Variants in THTPA observed in about 807,000 individuals in gnomAD.
The protein encoded by THTPA is thiamine-triphosphatase.
Under a neutral mutation model 16.5 loss-of-function variants are expected in THTPA, and 16 were observed. The ratio of observed to expected loss-of-function variants is 0.97; its 90% CI spans 0.66 to 1.47. The LOEUF is 1.47. THTPA is among the 40% of genes most tolerant of loss of function. THTPA has a pLI of 0.00. For missense variants in THTPA, 281 were observed against 280.9 expected, an observed-to-expected ratio of 1.00 and a Z score of 0.00; for synonymous variants, 110 against 115.5, an observed-to-expected ratio of 0.95 and a Z score of 0.30.
the THTPA span, among the ~76,000 whole-genome samples, chr14:23,550,258 T>C: frequency 1.3e-5 from 2 of 152,154 alleles, no homozygotes; most frequent in Non-Finnish European, 2.9e-5. Flanking sequence ...CTGAAGGCAC[T>C]AGAGGCTTTG....
the THTPA span, among the ~76,000 whole-genome samples, chr14:23,546,366 G>T: frequency 6.6e-6 from 1 of 152,124 alleles, no homozygotes; most frequent in Non-Finnish European, 1.5e-5. The surrounding 1 kb of genome is among the most constrained non-coding windows in gnomAD (Gnocchi z 4.7). Context: ...AAATGCTGAG[G>T]GGTGCTGAGC....
At chr14:23,531,843 T>A in the THTPA span, 1 of 1,206,770 alleles carries the variant, frequency 8.3e-7, no homozygotes, top group Non-Finnish European at 1.0e-6. Flanking sequence ...AGTGGCATGA[T>A]CTCTACTCAC....
the THTPA span, chr14:23,531,783 T>C: frequency 1.8e-6 from 2 of 1,132,034 alleles, no homozygotes; most frequent in Non-Finnish European, 2.2e-6. Flanking sequence ...TCAGGGGACT[T>C]TTTTTTTTTT....
At chr14:23,525,075 C>T in the THTPA span, 26 of 1,536,138 alleles carry the variant, frequency 1.7e-5, no homozygotes, top group South Asian at 7.1e-5. This position sits in a 1 kb window ranked among gnomAD's most constrained non-coding sequence, Gnocchi z 5.9. Context: ...TCCACCTCTC[C>T]GTCTTTGGGG....
the THTPA span, among the ~76,000 whole-genome samples, chr14:23,545,827 G>C: frequency 6.6e-6 from 1 of 152,344 alleles, no homozygotes; most frequent in South Asian, 2.1e-4. Context: ...ACAGAGGCTT[G>C]AGATTAGGGA....
the THTPA span, chr14:23,526,838 A>G: frequency 6.6e-7 from 1 of 1,526,542 alleles, no homozygotes; most frequent in Non-Finnish European, 8.8e-7. Flanking sequence ...TTGCTGTTCC[A>G]TTCCTTACCT....
At chr14:23,547,011 C>T in the THTPA span, among the ~76,000 whole-genome samples, 1 of 152,220 alleles carries the variant, frequency 6.6e-6, no homozygotes, top group Non-Finnish European at 1.5e-5. Context: ...CCCTTCACCT[C>T]GTGATTCCTG....
chr14:23,557,395 C>A, intron 1 of THTPA, 91 bp downstream of exon 1: 1 of 1,373,870 alleles, frequency 7.3e-7, no homozygotes, highest in African/African-American at 1.5e-5. Context: ...GGAGGGCCTC[C>A]GGATTAAAAA....
At chr14:23,524,151 G>T in the THTPA span, 2 of 1,536,016 alleles carry the variant, frequency 1.3e-6, no homozygotes, top group Admixed American at 2.0e-5. This position sits in a 1 kb window ranked among gnomAD's most constrained non-coding sequence, Gnocchi z 5.6. Flanking sequence ...GTGGCAGGCG[G>T]TTTCACTGCT....
chr14:23,515,200 CT>C, the THTPA span, among the ~76,000 whole-genome samples: 1 of 152,228 alleles, frequency 6.6e-6, no homozygotes, highest in Admixed American at 6.5e-5. Flanking sequence ...AGGAGTGACC[CT>C]CAGACCTTGC....
the THTPA span, chr14:23,523,321 G>A: frequency 2.1e-6 from 3 of 1,453,632 alleles, no homozygotes; most frequent in Non-Finnish European, 2.7e-6. This position sits in a 1 kb window ranked among gnomAD's most constrained non-coding sequence, Gnocchi z 4.1. Context: ...AGGCAGGTGT[G>A]GTGGCAGGTG....
chr14:23,553,141 C>G (rs1882098615), upstream of THTPA, among the ~76,000 whole-genome samples: 1 of 152,118 alleles, frequency 6.6e-6, no homozygotes, highest in African/African-American at 2.4e-5. Context: ...GCTCCAGGGC[C>G]CATACTAACT....
chr14:23,555,570 A>G (rs985430520), upstream of THTPA, among the ~76,000 whole-genome samples: 1 of 152,138 alleles, frequency 6.6e-6, no homozygotes, highest in Non-Finnish European at 1.5e-5. Context: ...TCTGACAGAA[A>G]GTTTCTCACC....
Position 23,557,244 on chromosome 14 carries a change from C to G in THTPA, c.487C>G (p.His163Asp). The change falls in exon 1 of 2, where the codon CAT (histidine) becomes GAT (aspartate). Residue 163 changes from histidine (H) to aspartate (D), a missense_variant. By Grantham distance (81) the His-to-Asp change is moderately conservative (BLOSUM62 -1). Transcript: ENST00000288014. ...YAVGEVEALV[H>D]EEAEVPTALE... Reference sequence around the variant, plus strand: ...TGTGGGTGAGGTAGAGGCCCTGGTGCATGAGGAGGCTGAAGTACCAACTGC... The same window carrying G: ...TGTGGGTGAGGTAGAGGCCCTGGTGGATGAGGAGGCTGAAGTACCAACTGC... 6.2e-7 allele frequency: 1 copy of G among 1,612,446 alleles called. No homozygotes were observed. Among genetic ancestry groups the G allele is most frequent in the Non-Finnish European group, 8.5e-7 (1 of 1,179,902 alleles).
intron 1 of THTPA, among the ~76,000 whole-genome samples, chr14:23,557,626 A>C (rs1159342837): frequency 6.6e-5 from 10 of 152,178 alleles, no homozygotes; most frequent in Non-Finnish European, 1.2e-4. Flanking sequence ...ACAGTAGCTA[A>C]TTTGGATCTA....
chr14:23,522,859 G>T, the THTPA span: 3 of 1,523,586 alleles, frequency 2.0e-6, no homozygotes, highest in South Asian at 2.4e-5. Context: ...GTAAGGGGCG[G>T]CCTGGGCCAG....
chr14:23,524,278 G>C, the THTPA span: 1 of 1,536,268 alleles, frequency 6.5e-7, no homozygotes, highest in Non-Finnish European at 8.7e-7. The surrounding 1 kb of genome is among the most constrained non-coding windows in gnomAD (Gnocchi z 5.6). Context: ...CGGAGATGCA[G>C]TCGAGCATCT....
chr14:23,526,526 T>C, the THTPA span: 3 of 1,535,626 alleles, frequency 2.0e-6, no homozygotes, highest in Non-Finnish European at 2.6e-6. Context: ...AGGAGCTACG[T>C]CTTCAGCTTG....
chr14:23,542,862 A>C, the THTPA span: 1 of 151,832 alleles, frequency 6.6e-6, no homozygotes, highest in Non-Finnish European at 1.5e-5. Flanking sequence ...CAGCCTCCCG[A>C]GTAGCTGGGA....
Sources: allele counts gnomAD v4.1 joint callset (sites outside exome capture counted in the v4.1 genomes callset), GRCh38; gene constraint gnomAD v4.1.1; non-coding constraint Gnocchi (gnomAD v3.1); transcripts MANE v1.5; gene names NCBI Gene and HGNC (gene_info 2026-07-23, HGNC 2026-07-21).